NBAS: variants seen among roughly 807,000 people sequenced by gnomAD.
NBAS encodes the protein NBAS subunit of NRZ tethering complex.
Under a neutral mutation model 302.5 loss-of-function variants are expected in NBAS, and 219 were observed. That is an observed-to-expected ratio of 0.72 (90% CI 0.65 to 0.81). The LOEUF (loss-of-function observed/expected upper bound fraction) is 0.81. Among genes scored for constraint, NBAS ranks in the 30% least tolerant of loss-of-function variants. The pLI is 0.00. For synonymous variants in NBAS, 1,118 were observed against 1,021.6 expected, an observed-to-expected ratio of 1.09 and a Z score of -1.80; for missense variants, 2,932 against 2,841.6, an observed-to-expected ratio of 1.03 and a Z score of -0.72.
chr2:15,132,372 G>T, the NBAS span, among the ~76,000 whole-genome samples: 1 of 152,148 alleles, frequency 6.6e-6, no homozygotes, highest in African/African-American at 2.4e-5. Context: ...TCTGGAAAAA[G>T]CCATGGAGAA....
At chr2:15,116,451 C>T in the NBAS span, among the ~76,000 whole-genome samples, 1 of 151,312 alleles carries the variant, frequency 6.6e-6, no homozygotes, top group African/African-American at 2.4e-5. Context: ...GCTCTGGTGT[C>T]TTTTCCTCTT....
At chr2:15,200,318 T>C (rs1344699747) in intron 48 of NBAS, among the ~76,000 whole-genome samples, 1 of 152,228 alleles carries the variant, frequency 6.6e-6, no homozygotes, top group African/African-American at 2.4e-5. Flanking sequence ...TTTTCATCTC[T>C]TTTTAAAATC....
chr2:14,957,411 G>A, the NBAS span, among the ~76,000 whole-genome samples: 1 of 151,884 alleles, frequency 6.6e-6, no homozygotes, highest in Non-Finnish European at 1.5e-5. Flanking sequence ...ACCTTATTTA[G>A]CTTTAACATA....
chr2:15,254,406 C>A (rs1364853709), intron 44 of NBAS, among the ~76,000 whole-genome samples: 3 of 152,172 alleles, frequency 2.0e-5, no homozygotes, highest in Non-Finnish European at 2.9e-5. Flanking sequence ...TTCTTTACTG[C>A]AAAGCTGGGG....
intron 48 of NBAS, among the ~76,000 whole-genome samples, chr2:15,191,162 AG>A (rs1194816765): frequency 2.0e-5 from 3 of 152,180 alleles, no homozygotes; most frequent in Non-Finnish European, 4.4e-5. Context: ...GTTTATATTT[AG>A]GTACACAGAC....
At chr2:15,262,679 A>G (rs541177149) in intron 44 of NBAS, among the ~76,000 whole-genome samples, 173 of 152,208 alleles carry the variant, frequency 1.1e-3, no homozygotes, top group Non-Finnish European at 2.3e-3. Context: ...CTACAACATT[A>G]AACAATAAAG....
the NBAS span, among the ~76,000 whole-genome samples, chr2:15,152,226 A>G: frequency 6.6e-6 from 1 of 152,224 alleles, no homozygotes; most frequent in South Asian, 2.1e-4. Flanking sequence ...AAGTCAGCTG[A>G]CTGATGTTGA....
At chr2:15,080,280 T>C in the NBAS span, among the ~76,000 whole-genome samples, 3 of 152,230 alleles carry the variant, frequency 2.0e-5, no homozygotes, top group Non-Finnish European at 4.4e-5. Flanking sequence ...AGAGTTCACA[T>C]GCACCTAGAG....
At chr2:15,232,379 G>A in intron 47 of NBAS, 43 bp downstream of exon 47, 1 of 1,568,424 alleles carries the variant, frequency 6.4e-7, no homozygotes, top group South Asian at 1.1e-5. Context: ...AATACTCTGA[G>A]GAAAGCCAGT....
intron 17 of NBAS, 135 bp downstream of exon 17, chr2:15,468,247 G>A (rs913439003): frequency 2.0e-6 from 2 of 1,013,508 alleles, no homozygotes; most frequent in African/African-American, 3.2e-5. Flanking sequence ...CTTCAGGTAA[G>A]ACAGTATTGA....
chr2:14,838,842 G>GA, the NBAS span, among the ~76,000 whole-genome samples: 34 of 148,384 alleles, frequency 2.3e-4, no homozygotes, highest in East Asian at 1.4e-3. Flanking sequence ...ATATGATTTT[G>GA]AAAAAAAAAA....
chr2:15,001,715 G>T, the NBAS span, among the ~76,000 whole-genome samples: 6 of 152,026 alleles, frequency 3.9e-5, no homozygotes, highest in African/African-American at 1.2e-4. Flanking sequence ...TTAAGGTGGC[G>T]CGTCTGGAGT....
At chr2:14,842,343 A>G in the NBAS span, among the ~76,000 whole-genome samples, 12 of 151,970 alleles carry the variant, frequency 7.9e-5, no homozygotes, top group African/African-American at 2.4e-4. Context: ...AATAAACAAA[A>G]TTGAGACTAA....
chr2:15,434,545 G>A (rs1306788215), intron 21 of NBAS, among the ~76,000 whole-genome samples: 2 of 152,040 alleles, frequency 1.3e-5, no homozygotes, highest in African/African-American at 4.8e-5. Context: ...AAAACACTTA[G>A]GTAATAAGTT....
At chr2:14,864,881 A>G in the NBAS span, among the ~76,000 whole-genome samples, 88 of 152,212 alleles carry the variant, frequency 5.8e-4, no homozygotes, top group Non-Finnish European at 1.8e-4. Flanking sequence ...TAAATGCTCA[A>G]AAAGTGTTAG....
chr2:15,210,289 A>G (rs755403996), intron 48 of NBAS, among the ~76,000 whole-genome samples: 17 of 152,160 alleles, frequency 1.1e-4, no homozygotes, highest in Non-Finnish European at 2.2e-4. Context: ...AAAAATAATT[A>G]TCTGGTTAAA....
the NBAS span, among the ~76,000 whole-genome samples, chr2:14,836,737 T>A: frequency 6.6e-6 from 1 of 152,026 alleles, no homozygotes; most frequent in East Asian, 1.9e-4. Flanking sequence ...ACCATTGGAT[T>A]TTGATGGGGA....
the NBAS span, among the ~76,000 whole-genome samples, chr2:15,075,314 C>G: frequency 2.0e-5 from 3 of 152,182 alleles, no homozygotes; most frequent in East Asian, 5.8e-4. Context: ...GTACCCTGCC[C>G]CCTGCCCTGC....
chr2:15,131,697 A>G, the NBAS span, among the ~76,000 whole-genome samples: 3 of 152,336 alleles, frequency 2.0e-5, no homozygotes, highest in South Asian at 2.1e-4. Context: ...TTGCATTGCC[A>G]TAAAGAAATA....
Sources: gnomAD v4.1 joint callset for allele counts (sites outside exome capture counted in the v4.1 genomes callset) on GRCh38, gnomAD v4.1.1 for gene constraint, MANE v1.5 for transcripts, NCBI Gene and HGNC (gene_info 2026-07-23, HGNC 2026-07-21) for gene names.